Variants in SV2C observed in about 807,000 individuals in gnomAD.
SV2C encodes synaptic vesicle glycoprotein 2C, also known as solute carrier family 22 member B3.
SV2C carries 49 observed loss-of-function variants against 79.7 expected under a neutral mutation model. The observed-to-expected ratio is 0.61, with a 90% CI of 0.49 to 0.78. The LOEUF (loss-of-function observed/expected upper bound fraction) is 0.78, where lower values mean the gene tolerates loss of function less well. SV2C is among the 30% of genes least tolerant of loss of function. SV2C has a pLI of 0.00. For synonymous variants in SV2C, 334 were observed against 333.2 expected, an observed-to-expected ratio of 1.00 and a Z score of -0.03; for missense variants, 833 against 912.9, an observed-to-expected ratio of 0.91 and a Z score of 1.13.
chr5:76,323,804 G>A (rs56286072), intron 12 of SV2C, among the ~76,000 whole-genome samples: 40,632 of 152,032 alleles, frequency 0.27, 5,723 homozygotes, highest in East Asian at 0.43. Context: ...ACCAAACACC[G>A]ATTGTTCTCA....
chr5:76,094,482 G>A (rs932782916), intron 1 of SV2C, among the ~76,000 whole-genome samples: 2 of 151,802 alleles, frequency 1.3e-5, no homozygotes, highest in African/African-American at 4.8e-5. Flanking sequence ...ATGTTTTTTT[G>A]TGTATCAATA....
intron 2 of SV2C, among the ~76,000 whole-genome samples, chr5:76,148,624 A>G (rs913476819): frequency 6.6e-6 from 1 of 152,028 alleles, no homozygotes; most frequent in African/African-American, 2.4e-5. Flanking sequence ...TAATTTTTTA[A>G]AAAAATTTTT....
chr5:76,167,416 C>G (rs1279298802), intron 2 of SV2C, among the ~76,000 whole-genome samples: 1 of 152,178 alleles, frequency 6.6e-6, no homozygotes, highest in Non-Finnish European at 1.5e-5. Context: ...AAGCCCCAAC[C>G]TGCCATGACT....
At chr5:76,310,548 A>G (rs1748400207) in intron 12 of SV2C, among the ~76,000 whole-genome samples, 1 of 152,222 alleles carries the variant, frequency 6.6e-6, no homozygotes, top group Non-Finnish European at 1.5e-5. Context: ...CTTGCTGAGT[A>G]AAATGAAATC....
chr5:76,171,764 G>A (rs1375264235), intron 2 of SV2C, among the ~76,000 whole-genome samples: 3 of 133,880 alleles, frequency 2.2e-5, no homozygotes, highest in Non-Finnish European at 4.9e-5. Context: ...GAGGTGGGGG[G>A]GTCAGCCCCC....
the SV2C span, among the ~76,000 whole-genome samples, chr5:75,919,186 G>A: frequency 0.097 from 14,733 of 152,192 alleles, 2,377 homozygotes; most frequent in African/African-American, 0.34. Context: ...CAGTGTACAA[G>A]TTACTGACTG....
At chr5:75,920,783 G>T in the SV2C span, 1 of 779,908 alleles carries the variant, frequency 1.3e-6, no homozygotes, top group Non-Finnish European at 2.4e-6. Flanking sequence ...TGGGGTGCTT[G>T]ATGATGCACT....
intron 3 of SV2C, among the ~76,000 whole-genome samples, chr5:76,199,204 A>G (rs1561261117): frequency 6.6e-6 from 1 of 152,156 alleles, no homozygotes; most frequent in Non-Finnish European, 1.5e-5. Flanking sequence ...TTCTCATCCT[A>G]GAGACCTTAA....
At chr5:76,339,642 A>C (rs1445081280) in intron 12 of SV2C, among the ~76,000 whole-genome samples, 1 of 150,852 alleles carries the variant, frequency 6.6e-6, no homozygotes, top group Non-Finnish European at 1.5e-5. Context: ...TGAACCTGGG[A>C]GGCGGAGCTT....
chr5:76,044,481 G>A, the SV2C span, among the ~76,000 whole-genome samples: 1,141 of 152,210 alleles, frequency 7.5e-3, 12 homozygotes, highest in African/African-American at 0.026. Context: ...TTGAGGAATC[G>A]CCACACTGTC....
At chr5:76,204,805 A>G (rs139229244) in intron 3 of SV2C, among the ~76,000 whole-genome samples, 1 of 152,354 alleles carries the variant, frequency 6.6e-6, no homozygotes, top group Non-Finnish European at 1.5e-5. Context: ...GATGAAGCAC[A>G]GCAACAAACA....
chr5:75,924,801 A>G, the SV2C span, among the ~76,000 whole-genome samples: 1 of 149,598 alleles, frequency 6.7e-6, no homozygotes, highest in South Asian at 2.1e-4. Context: ...TTGATCATAA[A>G]AATAAAATAG....
chr5:76,121,200 C>G (rs1428557996), intron 1 of SV2C, among the ~76,000 whole-genome samples: 1 of 152,046 alleles, frequency 6.6e-6, no homozygotes, highest in African/African-American at 2.4e-5. Flanking sequence ...CCTTTGCCCA[C>G]TTTTTGATGG....
At chr5:76,033,435 G>T in the SV2C span, among the ~76,000 whole-genome samples, 1 of 152,184 alleles carries the variant, frequency 6.6e-6, no homozygotes, top group African/African-American at 2.4e-5. Flanking sequence ...TAAGGTGTAA[G>T]GAAGGGATCC....
chr5:75,880,284 C>T, the SV2C span, among the ~76,000 whole-genome samples: 2,461 of 150,578 alleles, frequency 0.016, 33 homozygotes, highest in African/African-American at 0.043. Flanking sequence ...TCCCTGAAAA[C>T]GGGCTTTTCT....
intron 2 of SV2C, among the ~76,000 whole-genome samples, chr5:76,160,686 C>G (rs772097099): frequency 3.3e-5 from 5 of 152,120 alleles, no homozygotes; most frequent in African/African-American, 4.8e-5. Flanking sequence ...AGAGCTCTTA[C>G]AATTTAATAA....
At chr5:76,138,208 T>A (rs1270393305) in intron 2 of SV2C, among the ~76,000 whole-genome samples, 2 of 152,230 alleles carry the variant, frequency 1.3e-5, no homozygotes, top group African/African-American at 4.8e-5. Flanking sequence ...GAGAGCTCGG[T>A]TGGCTTGCCT....
chr5:76,301,511 G>A lies in SV2C; in HGVS notation c.1966G>A (p.Val656Met), dbSNP rs758058059. The A allele has an allele frequency of 9.9e-6, 16 of 1,613,868 alleles. No homozygotes were observed. Among genetic ancestry groups the A allele is most frequent in the Non-Finnish European group, 1.3e-5 (15 of 1,179,990 alleles). ...LTISAWNSLD[V>M]VTVELYPTDR... is the part of the protein sequence containing the mutation. ...CATCTCAGCCTGGAACTCTCTTGAC[G>A]TGGTCACTGTGGAACTGTACCCCAC... Residue 656 changes from valine (V) to methionine (M), a missense_variant, in exon 12 of 13, where the codon GTG (valine) becomes ATG (methionine). Coordinates refer to ENST00000502798, the MANE Select transcript of SV2C (RefSeq NM_014979.4).
chr5:75,981,985 T>A, the SV2C span, among the ~76,000 whole-genome samples: 2 of 149,766 alleles, frequency 1.3e-5, no homozygotes, highest in African/African-American at 4.9e-5. Context: ...AAGGGTCTAA[T>A]ATTCAGCATC....
Sources: gnomAD v4.1 joint callset for allele counts (sites outside exome capture counted in the v4.1 genomes callset) on GRCh38, gnomAD v4.1.1 for gene constraint, MANE v1.5 for transcripts, NCBI Gene and HGNC (gene_info 2026-07-23, HGNC 2026-07-21) for gene names.